MSH3: variants seen among roughly 807,000 people sequenced by gnomAD.
MSH3 encodes the protein DNA mismatch repair protein Msh3.
A neutral mutation model predicts 123.3 loss-of-function variants in MSH3; 106 were observed. The ratio of observed to expected loss-of-function variants is 0.86; its 90% CI spans 0.73 to 1.01. The LOEUF is 1.01. Ranked by LOEUF, MSH3 falls within the 50% of genes least tolerant of loss-of-function variation. The probability of loss-of-function intolerance (pLI) is 0.00; values close to 1 mark genes in which losing one functional copy is unlikely to be tolerated. For synonymous variants in MSH3, 515 were observed against 481.4 expected (o/e 1.07, Z -0.91); for missense variants, 1,459 against 1,347.6 (o/e 1.08, Z -1.29).
In MSH3 at chr5:80,744,522, A is replaced by T. The variant is rs779526052; in HGVS notation, c.1670A>T (p.Lys557Ile). The T allele has an allele frequency of 6.2e-7, 1 of 1,613,396 alleles. No homozygotes were observed. Among genetic ancestry groups the T allele is most frequent in the African/African-American group, 1.3e-5 (1 of 74,928 alleles). The change falls in exon 12 of 24, where the codon AAA (lysine) becomes ATA (isoleucine). Residue 557 changes from lysine (K) to isoleucine (I), a missense_variant. Physicochemically the swap from Lys to Ile is moderately radical, Grantham distance 102. Transcript: ENST00000265081. ...ILQNQTDMKT[K>I]GSLLWVLDHT... ...CTTTCTTAGACTGATATGAAAACCA[A>T]AGGAAGTTTGCTGTGGGTTTTAGAC...
In MSH3 at chr5:80,793,878, G is replaced by A. The variant is rs1744650474; in HGVS notation, c.2655+1034G>A. On this transcript the variant is annotated intron_variant, in intron 19 of 23. Transcript: ENST00000265081. Reference sequence around the variant, plus strand: ...CATTGTCAAAGCTAAATGGAGCTGGGCACTGAAGTGGTAAGGATTGATCTT... The same window carrying A: ...CATTGTCAAAGCTAAATGGAGCTGGACACTGAAGTGGTAAGGATTGATCTT... 2.6e-5 allele frequency among the ~76,000 whole-genome samples: 4 copies of A among 152,198 alleles called. No individual in the cohort carries two copies. The South Asian group carries it at 8.3e-4, about 32-fold the overall frequency.
At chr5:80,703,800 A>C (rs1182136645) in intron 8 of MSH3, among the ~76,000 whole-genome samples, 3 of 151,910 alleles carry the variant, frequency 2.0e-5, no homozygotes, top group Non-Finnish European at 2.9e-5. Flanking sequence ...GAAACATATA[A>C]AGAGTTTTTT....
intron 22 of MSH3, 72 bp from the exon 23 acceptor site, chr5:80,873,044 C>T: frequency 3.1e-6 from 4 of 1,301,034 alleles, no homozygotes; most frequent in Non-Finnish European, 4.5e-6. Flanking sequence ...TGAGAACTTA[C>T]ATGTCCTTTT....
Position 80,747,242 on chromosome 5 carries a change from A to G in MSH3, c.1763+2627A>G, listed in dbSNP as rs6151756. ...AACAGACTCACTAGCAGACTTTTCC[A>G]TGTAAATTAAAATTCTTCATTTCCA... On this transcript the variant is annotated intron_variant, in intron 12 of 23. Coordinates refer to ENST00000265081, the MANE Select transcript of MSH3 (RefSeq NM_002439.5). 4.0e-3 allele frequency among the ~76,000 whole-genome samples: 603 copies of G among 152,296 alleles called. 2 individuals are homozygous for G. Among genetic ancestry groups the G allele is most frequent in the African/African-American group, 0.014 (572 of 41,566 alleles).
chr5:80,731,569 C>T lies in MSH3; in HGVS notation c.1568+2604C>T, dbSNP rs140846358. Among the ~76,000 whole-genome samples the T allele has an allele frequency of 5.6e-4, 85 of 151,850 alleles. 1 individual carries two copies. In the East Asian group the frequency reaches 0.016, roughly 28 times the overall value. On this transcript the variant is annotated intron_variant, in intron 10 of 23. Coordinates refer to ENST00000265081, the MANE Select transcript of MSH3 (RefSeq NM_002439.5). The stretch of plus-strand genomic sequence containing the variant: ...GGATTAATGAAAGAAGGAAGGAATT[C>T]TTCATTCTGTGAGGGTATATTTCAT...
At chr5:80,691,307 G>T (rs958116884) in intron 8 of MSH3, among the ~76,000 whole-genome samples, 11 of 151,274 alleles carry the variant, frequency 7.3e-5, no homozygotes, top group Middle Eastern at 3.4e-3. Context: ...GCAACAAATA[G>T]AAAATGAAAA....
intron 7 of MSH3, among the ~76,000 whole-genome samples, chr5:80,675,530 A>G (rs1011932458): frequency 1.3e-5 from 2 of 152,264 alleles, no homozygotes; most frequent in African/African-American, 2.4e-5. Flanking sequence ...TGAAGGGGGA[A>G]GTGCTACACA....
intron 11 of MSH3, among the ~76,000 whole-genome samples, chr5:80,742,015 T>TC (rs1743624373): frequency 6.6e-6 from 1 of 151,216 alleles, no homozygotes; most frequent in African/African-American, 2.4e-5. Flanking sequence ...TTTTTTTTTT[T>TC]TCTTCTTTGA....
At chr5:80,681,181 A>T (rs956430972) in intron 8 of MSH3, among the ~76,000 whole-genome samples, 3 of 152,152 alleles carry the variant, frequency 2.0e-5, no homozygotes, top group Non-Finnish European at 2.9e-5. Context: ...AAATCTCTTC[A>T]TTTTGATCTT....
rs543052130 is a variant in MSH3, at chr5:80,679,097, A to C, written c.1340+4A>C. 1.1e-5 allele frequency: 17 copies of C among 1,613,868 alleles called. No homozygotes were observed. The South Asian group carries it at 1.9e-4, about 18-fold the overall frequency. ...TCCACAGAGCCACATCTGTTAGGTA[A>C]GTTGGCACATCACTGGAATATAATA... On this transcript the variant is annotated splice_donor_region_variant and intron_variant, in intron 8 of 23. Transcript: ENST00000265081.
intron 20 of MSH3, among the ~76,000 whole-genome samples, chr5:80,842,533 T>C (rs934286144): frequency 2.6e-5 from 4 of 152,182 alleles, no homozygotes; most frequent in African/African-American, 9.7e-5. Context: ...ATTCTTCCTA[T>C]CCATGAGCAT....
intron 13 of MSH3, among the ~76,000 whole-genome samples, chr5:80,766,735 A>C (rs1320495853): frequency 6.6e-6 from 1 of 151,998 alleles, no homozygotes; most frequent in African/African-American, 2.4e-5. Context: ...ACCAGAAGCT[A>C]TGATATAAAA....
chr5:80,682,642 T>A (rs966161709), intron 8 of MSH3, among the ~76,000 whole-genome samples: 1 of 152,168 alleles, frequency 6.6e-6, no homozygotes, highest in Non-Finnish European at 1.5e-5. Flanking sequence ...TGAGATACTT[T>A]CATACAGGCA....
At chr5:80,697,993 G>C (rs1750522258) in intron 8 of MSH3, among the ~76,000 whole-genome samples, 1 of 151,952 alleles carries the variant, frequency 6.6e-6, no homozygotes, top group African/African-American at 2.4e-5. Context: ...CTGTAGCCTT[G>C]ACCCCCCAGG....
intron 8 of MSH3, among the ~76,000 whole-genome samples, chr5:80,711,631 G>A (rs993473805): frequency 6.6e-6 from 1 of 152,024 alleles, no homozygotes; most frequent in African/African-American, 2.4e-5. Context: ...CCTTTTTGAA[G>A]ACAGCACATT....
chr5:80,744,497 C>G lies in MSH3; in HGVS notation c.1654-9C>G. 1 of 1,601,240 alleles carries G rather than the reference C, an allele frequency of 6.2e-7. No homozygotes were observed. The highest frequency in any genetic ancestry group is 8.6e-7 in the Non-Finnish European group (1 of 1,169,296). ...TAGTTAATAAAACTTGTTTTCTGGT[C>G]TTTCTTAGACTGATATGAAAACCAA... is the stretch of plus-strand genomic sequence containing the variant. On this transcript the variant is annotated splice_polypyrimidine_tract_variant and intron_variant, in intron 11 of 23. Transcript: ENST00000265081.
intron 8 of MSH3, among the ~76,000 whole-genome samples, chr5:80,719,951 T>A (rs1751047403): frequency 1.3e-5 from 2 of 152,194 alleles, no homozygotes; most frequent in African/African-American, 4.8e-5. Flanking sequence ...GCTCAGTACA[T>A]GTGGGATGGG....
chr5:80,820,834 G>A (rs1580070470), intron 20 of MSH3, among the ~76,000 whole-genome samples: 2 of 152,294 alleles, frequency 1.3e-5, no homozygotes, highest in African/African-American at 4.8e-5. Context: ...AGATTAGTCT[G>A]TCCTGACAAC....
At chr5:80,683,907 A>G (rs941857231) in intron 8 of MSH3, among the ~76,000 whole-genome samples, 5 of 152,080 alleles carry the variant, frequency 3.3e-5, no homozygotes, top group African/African-American at 9.7e-5. Flanking sequence ...CTGCATATGG[A>G]TGTCCAGTTT....
Sources: allele counts gnomAD v4.1 joint callset (sites outside exome capture counted in the v4.1 genomes callset), GRCh38; gene constraint gnomAD v4.1.1; transcripts MANE v1.5; gene names NCBI Gene and HGNC (gene_info 2026-07-23, HGNC 2026-07-21).